The following CPB2 variants were observed in gnomAD, a reference collection of about 807,000 sequenced individuals.
The protein encoded by CPB2 is carboxypeptidase B-like protein.
Under a neutral mutation model 57.0 loss-of-function variants are expected in CPB2, and 54 were observed. The ratio of observed to expected loss-of-function variants is 0.95; its 90% CI spans 0.76 to 1.19. The LOEUF is 1.19. CPB2 is among the 50% of genes most tolerant of loss of function. The probability of loss-of-function intolerance (pLI) is 0.00; values close to 1 mark genes in which losing one functional copy is unlikely to be tolerated. For synonymous variants in CPB2, 189 were observed against 178.1 expected, an observed-to-expected ratio of 1.06 and a Z score of -0.49; for missense variants, 426 against 512.0, an observed-to-expected ratio of 0.83 and a Z score of 1.62.
intron 8 of CPB2, among the ~76,000 whole-genome samples, chr13:46,059,082 C>A (rs2044736090): frequency 6.6e-6 from 1 of 152,216 alleles, no homozygotes; most frequent in African/African-American, 2.4e-5. Flanking sequence ...CTTGTGCTTG[C>A]CAATCTGAAT....
rs772924574 is a variant in CPB2 at position 46,058,232 on chromosome 13, T to C, written c.946A>G (p.Ile316Val). 8.1e-6 allele frequency: 13 copies of C among 1,613,984 alleles called. No homozygotes were observed. Among genetic ancestry groups the C allele is most frequent in the African/African-American group, 4.0e-5 (3 of 74,948 alleles). The change falls in exon 9 of 11, where the codon ATA (isoleucine) becomes GTA (valine). Residue 316 changes from isoleucine to valine, a missense_variant. By Grantham distance (29) the Ile-to-Val change is conservative. Transcript: ENST00000181383. ...CGTGTATAGGAATATGGAAACACTATATGCTGGGAGTATGAATGCATGCTG... is the reference window on the plus strand; with the variant it reads ...CGTGTATAGGAATATGGAAACACTACATGCTGGGAGTATGAATGCATGCTG... ...YISMHSYSQHIVFPYSYTRSK... is the reference protein window; with the variant it reads ...YISMHSYSQHVVFPYSYTRSK...
At chr13:46,087,950 C>A in intron 1 of CPB2, 130 bp from the exon 2 acceptor site, 3 of 603,382 alleles carry the variant, frequency 5.0e-6, no homozygotes, top group Non-Finnish European at 8.7e-6. Context: ...GACAGAGGAT[C>A]TTACTACAGA....
chr13:46,080,730 G>T (rs1416039270), intron 4 of CPB2, among the ~76,000 whole-genome samples: 1 of 152,088 alleles, frequency 6.6e-6, no homozygotes, highest in African/African-American at 2.4e-5. Flanking sequence ...TAGAATTTTG[G>T]GAGGCCAAGG....
intron 1 of CPB2, among the ~76,000 whole-genome samples, chr13:46,103,425 A>C (rs2045460661): frequency 6.6e-6 from 1 of 152,200 alleles, no homozygotes. Flanking sequence ...CTCTCTTCCT[A>C]ATTTCCAGAT....
At chr13:46,065,626 C>CAA (rs397851865) in intron 7 of CPB2, among the ~76,000 whole-genome samples, 114 of 61,816 alleles carry the variant, frequency 1.8e-3, no homozygotes, top group Non-Finnish European at 2.4e-3. Flanking sequence ...GACTCCGTCT[C>CAA]AAAAAAAAAA....
chr13:46,053,695 C>G lies in CPB2; in HGVS notation c.1191G>C (p.Pro397=), dbSNP rs745615188. The change falls in exon 11 of 11, where the codon CCG becomes CCC. Residue 397 remains proline, a synonymous_variant. Transcript: ENST00000181383. ...TACAGGTGGGTTTGATGTAACGCTC[C>G]GGCAGCAAGAATCCGTATGTGCCCG... ...RDTGTYGFLL[P]ERYIKPTCRE... 6.2e-7 allele frequency: 1 copy of G among 1,614,090 alleles called. No homozygotes were observed. The highest frequency in any genetic ancestry group is 1.7e-5 in the Admixed American group (1 of 60,006).
intron 1 of CPB2, among the ~76,000 whole-genome samples, chr13:46,103,493 A>T (rs961615899): frequency 4.6e-5 from 7 of 152,260 alleles, no homozygotes; most frequent in African/African-American, 1.7e-4. Context: ...AGTGGGTTTG[A>T]ATCCAAGCTC....
chr13:46,069,964 G>T (rs1429582231), intron 6 of CPB2, among the ~76,000 whole-genome samples: 2 of 152,098 alleles, frequency 1.3e-5, no homozygotes, highest in African/African-American at 4.8e-5. Context: ...TTTGTTGAAG[G>T]TACGATTTAC....
intron 9 of CPB2, among the ~76,000 whole-genome samples, chr13:46,056,768 G>T (rs1411856642): frequency 6.6e-6 from 1 of 152,102 alleles, no homozygotes; most frequent in East Asian, 1.9e-4. Flanking sequence ...CTCTTTCAAT[G>T]CCTGTCTAAA....
At chr13:46,073,738 G>A in intron 6 of CPB2, 135 bp downstream of exon 6, 1 of 540,380 alleles carries the variant, frequency 1.9e-6, no homozygotes, top group Non-Finnish European at 3.0e-6. Context: ...TGGGAAACTT[G>A]TGAAAATTGT....
At chr13:46,079,579 T>C (rs1233787617) in intron 4 of CPB2, among the ~76,000 whole-genome samples, 1 of 124,506 alleles carries the variant, frequency 8.0e-6, no homozygotes, top group Non-Finnish European at 1.8e-5. Flanking sequence ...AAGAAAAAAA[T>C]TCTGACTTTA....
chr13:46,055,935 A>G, intron 9 of CPB2, 86 bp from the exon 10 acceptor site: 1 of 733,516 alleles, frequency 1.4e-6, no homozygotes, highest in Middle Eastern at 2.4e-4. Flanking sequence ...ATCATACATT[A>G]ATTGAATCAA....
chr13:46,075,041 G>C (rs997542539), intron 5 of CPB2, among the ~76,000 whole-genome samples: 1 of 152,142 alleles, frequency 6.6e-6, no homozygotes. Flanking sequence ...CAGGGGTTGA[G>C]GACCACTGGT....
chr13:46,057,106 A>ATTT (rs1242594316), intron 9 of CPB2, among the ~76,000 whole-genome samples: 1 of 151,808 alleles, frequency 6.6e-6, no homozygotes, highest in Non-Finnish European at 1.5e-5. Context: ...TTGACAAGGT[A>ATTT]TTTTACACGT....
chr13:46,089,504 TCTC>T (rs1475599507), intron 1 of CPB2, among the ~76,000 whole-genome samples: 4 of 152,216 alleles, frequency 2.6e-5, no homozygotes, highest in Non-Finnish European at 5.9e-5. Flanking sequence ...GCAGCCAAGA[TCTC>T]CAAGTTGAAG....
At chr13:46,086,614 C>G (rs1231231302) in intron 2 of CPB2, among the ~76,000 whole-genome samples, 2 of 152,184 alleles carry the variant, frequency 1.3e-5, no homozygotes, top group Non-Finnish European at 2.9e-5. Context: ...GAAAAATCAC[C>G]GTCAGTTCCC....
rs147349005 is a variant in CPB2 at position 46,087,803 on chromosome 13, G to C, written c.92C>G (p.Ala31Gly). ...FAFQSGQVLA[A>G]LPRTSRQVQV... The stretch of plus-strand genomic sequence containing the variant: ...AACTTGCCTAGAGGTTCTAGGAAGA[G>C]CAGCTAGAACTTGGCCACTGGGGAA... Residue 31 changes from alanine (A) to glycine (G), a missense_variant, in exon 2 of 11, where the codon GCT becomes GGT. Ala to Gly is a moderately conservative substitution (Grantham distance 60). Transcript: ENST00000181383. The C allele has an allele frequency of 3.4e-5, 54 of 1,610,140 alleles. No homozygotes were observed. In the East Asian group the frequency reaches 1.0e-3, roughly 31 times the overall value.
At chr13:46,073,764 A>C in intron 6 of CPB2, 109 bp downstream of exon 6, 1 of 643,332 alleles carries the variant, frequency 1.6e-6, no homozygotes, top group Non-Finnish European at 2.4e-6. Flanking sequence ...CCCAAGCTTC[A>C]TGATGTGACC....
rs777294025 is a variant in CPB2 at position 46,082,531 on chromosome 13, C to G, written c.294G>C (p.Val98=). 1.1e-5 allele frequency: 17 copies of G among 1,613,062 alleles called. No homozygotes were observed. The highest frequency in any genetic ancestry group is 1.4e-5 in the Non-Finnish European group (17 of 1,179,260). The change falls in exon 4 of 11, where the codon GTG becomes GTC. Residue 98 remains valine (V), a synonymous_variant. Coordinates refer to ENST00000181383, the MANE Select transcript of CPB2 (RefSeq NM_001872.5). The stretch of plus-strand genomic sequence containing the variant: ...AAATCTGCTGTTGAATAAGATCTTC[C>G]ACATCTGCCAGCAAGACACTAGGTG... ...GIPCSVLLAD[V]EDLIQQQISN...
Sources: allele counts gnomAD v4.1 joint callset (sites outside exome capture counted in the v4.1 genomes callset), GRCh38; gene constraint gnomAD v4.1.1; transcripts MANE v1.5; gene names NCBI Gene and HGNC (gene_info 2026-07-23, HGNC 2026-07-21).